The following KRAS variants were observed in gnomAD, a reference collection of about 807,000 sequenced individuals.
KRAS encodes GTPase KRas.
In KRAS, 1 loss-of-function variant was observed where a neutral mutation model predicts 21.0. That is an observed-to-expected ratio of 0.05 (90% CI 0.02 to 0.23). The LOEUF is 0.23. Among genes scored for constraint, KRAS ranks in the 10% least tolerant of loss-of-function variants. The pLI is 1.00. For synonymous variants in KRAS, 67 were observed against 72.5 expected (o/e 0.92, Z 0.39); for missense variants, 107 against 221.8 (o/e 0.48, Z 3.29).
At position 25,208,929 on chromosome 12, in the gene KRAS, G is replaced by A. The variant is rs1280889608; in HGVS notation, c.*866C>T. 3.6e-6 allele frequency: 1 copy of A among 278,428 alleles called. No individual in the cohort carries two copies. The highest frequency in any genetic ancestry group is 6.7e-6 in the Non-Finnish European group (1 of 149,320). The allele number at this position is 278,428 out of a possible 1,614,324, so 17.2% of individuals were successfully genotyped here. On this transcript the variant is annotated 3_prime_UTR_variant, in exon 5 of 5. Coordinates refer to ENST00000311936, the MANE Select transcript of KRAS (RefSeq NM_004985.5). ...AAAGATTTAAAGTTATACTATGAAA[G>A]AGCAGTCTGACACAGGGAGACTACA...
Position 25,206,665 on chromosome 12 carries a change from CACCCTACCTAA to C in KRAS, c.*3119_*3129del. ...AAACGAGGTACTGTGTAAGTCTTAA[CACCCTACCTAA>C]ACAGTGTTCCAAAGATCTGTAGTTT... On this transcript the variant is annotated 3_prime_UTR_variant, in exon 5 of 5. Transcript: ENST00000311936. The C allele has an allele frequency of 5.0e-6, 1 of 200,974 alleles. No individual in the cohort carries two copies. The highest frequency in any genetic ancestry group is 2.3e-5 in the African/African-American group (1 of 43,600). 12.4% of individuals were successfully genotyped at this position (200,974 alleles called of 1,614,324 possible).
intron 2 of KRAS, among the ~76,000 whole-genome samples, chr12:25,244,181 T>C (rs1951647279): frequency 6.6e-6 from 1 of 152,220 alleles, no homozygotes; most frequent in East Asian, 1.9e-4. Flanking sequence ...TAAGGCACTT[T>C]GACCTGTTCT....
chr12:25,236,368 A>T (rs2135795396), intron 2 of KRAS, among the ~76,000 whole-genome samples: 1 of 152,268 alleles, frequency 6.6e-6, no homozygotes, highest in South Asian at 2.1e-4. Context: ...CACCAGTAGC[A>T]GCCAAAGGCA....
rs1951406435 is a variant in KRAS, at chr12:25,227,347, T to C, written c.177A>G (p.Ala59=). 6.2e-7 allele frequency: 1 copy of C among 1,613,952 alleles called. No homozygotes were observed. Among genetic ancestry groups the C allele is most frequent in the African/African-American group, 1.3e-5 (1 of 74,930 alleles). ...ETCLLDILDT[A]GQEEYSAMRD... ...TCATTGCACTGTACTCCTCTTGACC[T>C]GCTGTGTCGAGAATATCCAAGAGAC... The change falls in exon 3 of 5, where the codon GCA becomes GCG. Residue 59 remains alanine, a synonymous_variant. Coordinates refer to ENST00000311936, the MANE Select transcript of KRAS (RefSeq NM_004985.5).
intron 1 of KRAS, among the ~76,000 whole-genome samples, chr12:25,248,456 A>T (rs1256273329): frequency 6.6e-6 from 1 of 152,114 alleles, no homozygotes. Context: ...TCTCTCAAAA[A>T]AACAAAGAGG....
intron 2 of KRAS, chr12:25,233,685 T>C (rs1951506556): frequency 4.8e-6 from 1 of 209,420 alleles, no homozygotes. Flanking sequence ...TTTAAGTCTA[T>C]ATCCTCTACT....
chr12:25,214,836 C>G (rs1328223518), intron 4 of KRAS, among the ~76,000 whole-genome samples: 3 of 152,108 alleles, frequency 2.0e-5, no homozygotes, highest in Non-Finnish European at 4.4e-5. Context: ...AATGTAACGT[C>G]ACAGGAATTT....
intron 4 of KRAS, among the ~76,000 whole-genome samples, chr12:25,212,870 G>A (rs1053167570): frequency 6.6e-6 from 1 of 152,056 alleles, no homozygotes; most frequent in African/African-American, 2.4e-5. Context: ...TTATAAGTGT[G>A]AGCCACTGTC....
intron 2 of KRAS, among the ~76,000 whole-genome samples, chr12:25,227,932 A>G (rs1420763148): frequency 6.6e-6 from 1 of 152,168 alleles, no homozygotes; most frequent in Non-Finnish European, 1.5e-5. Context: ...TAATACCCAA[A>G]ATGTGGAAAT....
chr12:25,223,423 A>G (rs1592805039), intron 4 of KRAS, among the ~76,000 whole-genome samples: 1 of 152,162 alleles, frequency 6.6e-6, no homozygotes, highest in Non-Finnish European at 1.5e-5. Context: ...AACAAAAACC[A>G]AGCCTCTTCC....
intron 2 of KRAS, among the ~76,000 whole-genome samples, chr12:25,232,905 T>C (rs1375768568): frequency 1.3e-5 from 2 of 152,224 alleles, no homozygotes; most frequent in Admixed American, 1.3e-4. Context: ...CTAAAGTCAT[T>C]CAAATGTTCA....
chr12:25,220,742 A>C (rs1480982742), intron 4 of KRAS, among the ~76,000 whole-genome samples: 1 of 149,094 alleles, frequency 6.7e-6, no homozygotes. Flanking sequence ...AAAATACTAG[A>C]GACCAGGCAC....
intron 1 of KRAS, among the ~76,000 whole-genome samples, chr12:25,248,013 AT>A (rs1951706597): frequency 6.6e-6 from 1 of 151,916 alleles, no homozygotes; most frequent in Admixed American, 6.6e-5. Context: ...CAAATCAAAG[AT>A]TTTTTTTAAT....
At position 25,206,445 on chromosome 12, in the gene KRAS, CATTT is replaced by C. The variant is rs1951139648; in HGVS notation, c.*3346_*3349del. The C allele has an allele frequency of 4.9e-6, 1 of 204,834 alleles. No individual in the cohort carries two copies. Among genetic ancestry groups the C allele is most frequent in the East Asian group, 7.7e-5 (1 of 12,932 alleles). The allele number at this position is 204,834 out of a possible 1,614,324, so 12.7% of individuals were successfully genotyped here. A position where few individuals can be genotyped will look rare whatever the true frequency, so the allele number is the denominator to read the frequency against. On this transcript the variant is annotated 3_prime_UTR_variant, in exon 5 of 5. Coordinates refer to ENST00000311936, the MANE Select transcript of KRAS (RefSeq NM_004985.5). ...CTTTAAGGCTGTAATAATTAGGTAA[CATTT>C]ATTTCTAGAATTCTCCCCCTTTAAA...
intron 3 of KRAS, among the ~76,000 whole-genome samples, 184 bp from the exon 4 acceptor site, chr12:25,225,957 C>T (rs529400790): frequency 1.3e-5 from 2 of 152,160 alleles, no homozygotes; most frequent in East Asian, 3.9e-4. Flanking sequence ...TAAACAGAAA[C>T]CTTGTATCTC....
intron 4 of KRAS, 169 bp downstream of exon 4, chr12:25,225,445 C>T (rs754519740): frequency 1.7e-5 from 11 of 654,708 alleles, no homozygotes; most frequent in Non-Finnish European, 2.9e-5. Flanking sequence ...AAAAGCAGTA[C>T]CATGGACACT....
Position 25,227,395 on chromosome 12 carries a change from T to G in KRAS, c.129A>C (p.Gln43His). The stretch of plus-strand genomic sequence containing the variant: ...GACAGGTTTCTCCATCAATTACTAC[T>G]TGCTTCCTGTAGGAATCCTGAGAAG... ...DPTIEDSYRK[Q>H]VVIDGETCLL... Residue 43 changes from glutamine (Q) to histidine (H), a missense_variant, in exon 3 of 5, where the codon CAA (glutamine) becomes CAC (histidine). Coordinates refer to ENST00000311936, the MANE Select transcript of KRAS (RefSeq NM_004985.5). 1 of 1,614,070 alleles carries G rather than the reference T, an allele frequency of 6.2e-7. No homozygotes were observed. Among genetic ancestry groups the G allele is most frequent in the Non-Finnish European group, 8.5e-7 (1 of 1,179,952 alleles).
chr12:25,209,704 G>T lies in KRAS; in HGVS notation c.*91C>A. The T allele has an allele frequency of 6.6e-7, 1 of 1,526,442 alleles. No homozygotes were observed. The highest frequency in any genetic ancestry group is 8.8e-7 in the Non-Finnish European group (1 of 1,136,508). The allele number at this position is 1,526,442 out of a possible 1,614,324, so 94.6% of individuals were successfully genotyped here. A position where few individuals can be genotyped will look rare whatever the true frequency, so the allele number is the denominator to read the frequency against. ...CTGCATGGAGCAGGAAAAAAATTAG[G>T]TAATGCTAAAACAAATGCTAATAAT... is the stretch of plus-strand genomic sequence containing the variant. On this transcript the variant is annotated 3_prime_UTR_variant, in exon 5 of 5. Coordinates refer to ENST00000311936, the MANE Select transcript of KRAS (RefSeq NM_004985.5).
intron 2 of KRAS, among the ~76,000 whole-genome samples, chr12:25,244,497 T>C (rs966537909): frequency 2.0e-5 from 3 of 152,188 alleles, no homozygotes; most frequent in Non-Finnish European, 4.4e-5. Flanking sequence ...CTGGAGGTCT[T>C]TGAGATTAAA....
Sources: gnomAD v4.1 joint callset for allele counts (sites outside exome capture counted in the v4.1 genomes callset) on GRCh38, gnomAD v4.1.1 for gene constraint, MANE v1.5 for transcripts, NCBI Gene and HGNC (gene_info 2026-07-23, HGNC 2026-07-21) for gene names.